Variants in OLA1 observed in about 807,000 individuals in gnomAD.
The protein encoded by OLA1 is Obg like ATPase 1.
A neutral mutation model predicts 48.4 loss-of-function variants in OLA1; 14 were observed. The observed-to-expected ratio is 0.29, with a 90% CI of 0.19 to 0.45. The LOEUF is 0.45. OLA1 is among the 20% of genes least tolerant of loss of function. The probability of loss-of-function intolerance (pLI) is 1.00; values close to 1 mark genes in which losing one functional copy is unlikely to be tolerated. For synonymous variants in OLA1, 127 were observed against 150.4 expected, an observed-to-expected ratio of 0.84 and a Z score of 1.14; for missense variants, 325 against 467.1, an observed-to-expected ratio of 0.70 and a Z score of 2.80.
intron 7 of OLA1, among the ~76,000 whole-genome samples, chr2:174,085,935 C>T (rs1684966547): frequency 1.3e-5 from 2 of 152,146 alleles, no homozygotes; most frequent in Non-Finnish European, 2.9e-5. Context: ...CCCCATTTGT[C>T]ATCTGCTAAT....
chr2:174,078,027 C>T (rs1684785339), intron 10 of OLA1, among the ~76,000 whole-genome samples: 3 of 151,998 alleles, frequency 2.0e-5, no homozygotes, highest in Non-Finnish European at 4.4e-5. Flanking sequence ...AAATGGTTCT[C>T]ATTCAACATT....
intron 7 of OLA1, among the ~76,000 whole-genome samples, chr2:174,085,573 C>T (rs192787896): frequency 5.6e-4 from 85 of 152,316 alleles, no homozygotes; most frequent in African/African-American, 2.0e-3. Context: ...CGCTTGTCTA[C>T]AGATTCTTCG....
intron 4 of OLA1, among the ~76,000 whole-genome samples, chr2:174,164,385 G>GCATAGTGCAGAATGGATACCATTCTCCA (rs1553485219): frequency 6.6e-6 from 1 of 151,518 alleles, no homozygotes; most frequent in African/African-American, 2.4e-5. Flanking sequence ...ATACCATTCT[G>GCATAGTGCAGAATGGATACCATTCTCCA]TTTTATGTTT....
intron 7 of OLA1, among the ~76,000 whole-genome samples, chr2:174,098,842 T>C (rs1432180391): frequency 2.0e-5 from 3 of 152,236 alleles, no homozygotes; most frequent in African/African-American, 7.2e-5. Context: ...GCTTCCACAA[T>C]GTTCAGGTCA....
intron 3 of OLA1, among the ~76,000 whole-genome samples, chr2:174,229,065 G>A (rs745518761): frequency 1.3e-5 from 2 of 152,168 alleles, no homozygotes; most frequent in South Asian, 4.1e-4. Context: ...TTAGTAGACA[G>A]TGGTTTCACC....
At chr2:174,224,855 G>A (rs574004619) in intron 3 of OLA1, among the ~76,000 whole-genome samples, 1 of 152,266 alleles carries the variant, frequency 6.6e-6, no homozygotes, top group African/African-American at 2.4e-5. Flanking sequence ...ATATCACTGA[G>A]CTAAACACTG....
At chr2:174,157,363 G>A (rs2105393565) in intron 4 of OLA1, among the ~76,000 whole-genome samples, 1 of 152,266 alleles carries the variant, frequency 6.6e-6, no homozygotes, top group East Asian at 1.9e-4. Flanking sequence ...GGGGAACAGG[G>A]AAGGAGTCAG....
intron 7 of OLA1, among the ~76,000 whole-genome samples, chr2:174,111,931 G>A (rs1685661699): frequency 6.6e-6 from 1 of 152,038 alleles, no homozygotes. Flanking sequence ...TCCCTACAAT[G>A]GCTATTAAAT....
intron 4 of OLA1, among the ~76,000 whole-genome samples, chr2:174,169,167 G>A (rs555983362): frequency 1.3e-5 from 2 of 152,118 alleles, no homozygotes; most frequent in South Asian, 2.1e-4. Flanking sequence ...GGCTGGTCTC[G>A]AACTCCTGAC....
rs182005072 is a variant in OLA1 at position 174,203,520 on chromosome 2, C to T, written c.373+19513G>A. On this transcript the variant is annotated intron_variant, in intron 4 of 10. Coordinates refer to ENST00000284719, the MANE Select transcript of OLA1 (RefSeq NM_013341.5). Reference sequence around the variant, plus strand: ...CTTGCTTTATTACCCAGGCTGATCTCGAACTCCTGGCTTCAAGTGATCCTC... The same window carrying T: ...CTTGCTTTATTACCCAGGCTGATCTTGAACTCCTGGCTTCAAGTGATCCTC... Among the ~76,000 whole-genome samples the T allele has an allele frequency of 4.7e-5, 7 of 147,970 alleles. No homozygotes were observed. In the South Asian group the frequency reaches 8.5e-4, roughly 18 times the overall value.
At chr2:174,225,492 T>C (rs1021380459) in intron 3 of OLA1, among the ~76,000 whole-genome samples, 5 of 151,994 alleles carry the variant, frequency 3.3e-5, no homozygotes, top group African/African-American at 7.3e-5. Context: ...GAGGTTGCAG[T>C]GAGCTGAGAT....
intron 2 of OLA1, among the ~76,000 whole-genome samples, chr2:174,238,810 A>G (rs1316394471): frequency 6.6e-6 from 1 of 152,194 alleles, no homozygotes; most frequent in East Asian, 1.9e-4. Flanking sequence ...ATTGTACTGA[A>G]ATATAAAATA....
intron 7 of OLA1, among the ~76,000 whole-genome samples, chr2:174,120,308 T>C (rs1042032655): frequency 6.6e-6 from 1 of 152,118 alleles, no homozygotes; most frequent in Non-Finnish European, 1.5e-5. Context: ...TGAAAATTAA[T>C]ACCGTCTATA....
At chr2:174,128,865 A>G (rs1686107495) in intron 5 of OLA1, among the ~76,000 whole-genome samples, 1 of 152,226 alleles carries the variant, frequency 6.6e-6, no homozygotes, top group Non-Finnish European at 1.5e-5. Context: ...AGATATATCT[A>G]TATGTACATT....
At chr2:174,146,849 C>T (rs1414290304) in intron 4 of OLA1, among the ~76,000 whole-genome samples, 1 of 152,098 alleles carries the variant, frequency 6.6e-6, no homozygotes, top group Non-Finnish European at 1.5e-5. Flanking sequence ...TTTCTATAAG[C>T]GCACTAATTA....
intron 7 of OLA1, among the ~76,000 whole-genome samples, chr2:174,102,326 A>C (rs187988822): frequency 1.6e-4 from 24 of 152,056 alleles, no homozygotes; most frequent in Non-Finnish European, 1.5e-5. Context: ...ATAAGCACAA[A>C]AGGCAAGTGA....
At chr2:174,189,881 A>AAC (rs1380034694) in intron 4 of OLA1, among the ~76,000 whole-genome samples, 11 of 147,072 alleles carry the variant, frequency 7.5e-5, no homozygotes, top group Admixed American at 2.7e-4. Flanking sequence ...AAAAAAACAA[A>AAC]ACACACACAC....
intron 4 of OLA1, among the ~76,000 whole-genome samples, chr2:174,170,552 T>C (rs1374625771): frequency 3.3e-5 from 5 of 152,190 alleles, no homozygotes; most frequent in African/African-American, 1.2e-4. Flanking sequence ...ACTATCAGAA[T>C]TGATAATAAA....
intron 2 of OLA1, among the ~76,000 whole-genome samples, chr2:174,237,212 C>T (rs1316165305): frequency 1.3e-5 from 2 of 150,964 alleles, no homozygotes; most frequent in African/African-American, 2.4e-5. Flanking sequence ...TGTTAAACAC[C>T]GAGACATAAA....
Sources: gnomAD v4.1 joint callset for allele counts (sites outside exome capture counted in the v4.1 genomes callset) on GRCh38, gnomAD v4.1.1 for gene constraint, MANE v1.5 for transcripts, NCBI Gene and HGNC (gene_info 2026-07-23, HGNC 2026-07-21) for gene names.